Variants in ARHGAP17 observed in about 807,000 individuals in gnomAD.
ARHGAP17 encodes rho GTPase-activating protein 17.
A neutral mutation model predicts 99.5 loss-of-function variants in ARHGAP17; 57 were observed. That is an observed-to-expected ratio of 0.57 (90% confidence interval 0.46 to 0.71). ARHGAP17 has a LOEUF of 0.71. Ranked by LOEUF, ARHGAP17 falls within the 30% of genes least tolerant of loss-of-function variation. The pLI, the probability that ARHGAP17 is intolerant of heterozygous loss-of-function variation, is 0.00. For synonymous variants in ARHGAP17, 417 were observed against 429.6 expected, an observed-to-expected ratio of 0.97 and a Z score of 0.36; for missense variants, 1,000 against 1,122.4, an observed-to-expected ratio of 0.89 and a Z score of 1.56.
chr16:24,959,441 A>C (rs2051915980), intron 9 of ARHGAP17, among the ~76,000 whole-genome samples: 3 of 152,232 alleles, frequency 2.0e-5, no homozygotes, highest in Admixed American at 2.0e-4. Context: ...CTTTCTCTTC[A>C]ACTGAAGGTT....
intron 1 of ARHGAP17, among the ~76,000 whole-genome samples, chr16:24,996,934 T>C (rs932544390): frequency 2.0e-5 from 3 of 152,142 alleles, no homozygotes; most frequent in Non-Finnish European, 4.4e-5. Context: ...AAATGGTTTT[T>C]GTTCTGTCTA....
rs116433668 is a variant in ARHGAP17, at chr16:24,941,447, C to T, written c.1490+540G>A. ...GAGTATATAGAGACACACTGCTTCT[C>T]ACTAAGTTCAACACTGCCATTTTTT... On this transcript the variant is annotated intron_variant, in intron 16 of 19. Coordinates refer to ENST00000289968, the MANE Select transcript of ARHGAP17 (RefSeq NM_001006634.3). Among the ~76,000 whole-genome samples, 669 of 152,306 alleles carry T rather than the reference C, an allele frequency of 4.4e-3. 3 individuals are homozygous for T. Among genetic ancestry groups the T allele is most frequent in the African/African-American group, 0.015 (617 of 41,554 alleles).
At chr16:24,967,809 A>G (rs1372308791) in intron 6 of ARHGAP17, among the ~76,000 whole-genome samples, 1 of 151,690 alleles carries the variant, frequency 6.6e-6, no homozygotes, top group Admixed American at 6.6e-5. Context: ...AAAAGGAAAG[A>G]AAAAAAAGCC....
chr16:24,953,083 G>C, intron 10 of ARHGAP17, 41 bp from the exon 11 acceptor site: 1 of 1,587,128 alleles, frequency 6.3e-7, no homozygotes, highest in Non-Finnish European at 8.6e-7. Context: ...GTGCAGGTTG[G>C]GACACTCAGA....
intron 1 of ARHGAP17, among the ~76,000 whole-genome samples, chr16:24,980,816 C>T (rs1056819312): frequency 1.3e-5 from 2 of 152,088 alleles, no homozygotes; most frequent in African/African-American, 4.8e-5. Flanking sequence ...CTTCCCTAGC[C>T]AAAACCCCCA....
rs763988665 is a variant in ARHGAP17 at position 24,930,861 on chromosome 16, G to A, written c.2438C>T (p.Pro813Leu). Residue 813 changes from proline to leucine, a missense_variant, in exon 19 of 20, where the codon CCC becomes CTC. Pro to Leu is a moderately conservative substitution (Grantham distance 98). Around this residue, in one of 2 missense-constraint regions of ARHGAP17, gnomAD observed 528 missense variants for 511.4 expected, o/e 1.03. Coordinates refer to ENST00000289968, the MANE Select transcript of ARHGAP17 (RefSeq NM_001006634.3). ...PRNRPSVPPP[P>L]QPPGVHSAGD... ...AGCTGAGTGGACACCAGGAGGTTGG[G>A]GGGGTGGGGGCACGCTGGGCCGGTT... 1.2e-6 allele frequency: 2 copies of A among 1,614,062 alleles called. No individual in the cohort carries two copies. Among genetic ancestry groups the A allele is most frequent in the Non-Finnish European group, 1.7e-6 (2 of 1,179,986 alleles).
chr16:25,004,256 T>A (rs2053448068), intron 1 of ARHGAP17, among the ~76,000 whole-genome samples: 1 of 152,114 alleles, frequency 6.6e-6, no homozygotes, highest in South Asian at 2.1e-4. Context: ...AGACTCTGCC[T>A]CCATGAAAAA....
At chr16:24,986,083 C>G (rs1049014518) in intron 1 of ARHGAP17, among the ~76,000 whole-genome samples, 2 of 152,198 alleles carry the variant, frequency 1.3e-5, no homozygotes, top group Non-Finnish European at 2.9e-5. Context: ...CGTCAAACCT[C>G]CACATCACAA....
At chr16:24,952,766 T>C (rs2051681607) in intron 11 of ARHGAP17, among the ~76,000 whole-genome samples, 165 bp downstream of exon 11, 1 of 152,208 alleles carries the variant, frequency 6.6e-6, no homozygotes, top group Admixed American at 6.5e-5. Flanking sequence ...GAAGACACAG[T>C]GTACATTACA....
At chr16:24,980,767 T>C (rs541266241) in intron 1 of ARHGAP17, among the ~76,000 whole-genome samples, 1 of 152,122 alleles carries the variant, frequency 6.6e-6, no homozygotes, top group Non-Finnish European at 1.5e-5. Context: ...ATCCCTCCTT[T>C]AGCAAAATGC....
chr16:24,983,847 C>T (rs1039426131), intron 1 of ARHGAP17, among the ~76,000 whole-genome samples: 1 of 152,138 alleles, frequency 6.6e-6, no homozygotes, highest in African/African-American at 2.4e-5. Context: ...AAGGCTGATA[C>T]CAGGCAGGAT....
At position 24,932,604 on chromosome 16, in the gene ARHGAP17, C is replaced by T. The variant is rs368847812; in HGVS notation, c.1895-1200G>A. On this transcript the variant is annotated intron_variant, in intron 18 of 19. Transcript: ENST00000289968. ...TTAATAACAGAATTTCTACCAATTCCGCAACCATTTGAGTTAATAGATATG... is the reference window on the plus strand; with the variant it reads ...TTAATAACAGAATTTCTACCAATTCTGCAACCATTTGAGTTAATAGATATG... Among the ~76,000 whole-genome samples the T allele has an allele frequency of 2.0e-4, 31 of 152,102 alleles. No individual in the cohort carries two copies. The East Asian group carries it at 4.3e-3, about 21-fold the overall frequency.
intron 6 of ARHGAP17, among the ~76,000 whole-genome samples, chr16:24,964,709 G>A (rs1277122881): frequency 6.6e-6 from 1 of 152,162 alleles, no homozygotes; most frequent in Non-Finnish European, 1.5e-5. Flanking sequence ...CTGTGCCACT[G>A]GGAATCAGCT....
chr16:24,958,730 G>A (rs1264057398), intron 9 of ARHGAP17, among the ~76,000 whole-genome samples: 1 of 152,168 alleles, frequency 6.6e-6, no homozygotes, highest in African/African-American at 2.4e-5. Flanking sequence ...GTGCTGGTAT[G>A]TATGCACATC....
intron 1 of ARHGAP17, among the ~76,000 whole-genome samples, chr16:25,007,325 C>A (rs1202846253): frequency 1.3e-5 from 2 of 152,076 alleles, no homozygotes; most frequent in African/African-American, 4.8e-5. Flanking sequence ...AGCAAATGCA[C>A]CCATCCATAT....
intron 16 of ARHGAP17, chr16:24,941,677 C>T (rs1027431448): frequency 6.5e-6 from 2 of 305,900 alleles, no homozygotes; most frequent in Non-Finnish European, 1.2e-5. Flanking sequence ...CTGTTTCCCC[C>T]CACTCACGTA....
intron 1 of ARHGAP17, among the ~76,000 whole-genome samples, chr16:24,992,526 G>A (rs543549478): frequency 1.3e-5 from 2 of 151,878 alleles, no homozygotes; most frequent in Non-Finnish European, 2.9e-5. Context: ...AGTAGAGATG[G>A]GGTTTCACCA....
chr16:24,990,536 T>C (rs1458331271), intron 1 of ARHGAP17, among the ~76,000 whole-genome samples: 1 of 151,580 alleles, frequency 6.6e-6, no homozygotes, highest in Non-Finnish European at 1.5e-5. Flanking sequence ...TGAGCACTTG[T>C]AGTCCAGCTA....
intron 13 of ARHGAP17, chr16:24,948,888 A>G (rs1279495061): frequency 3.3e-5 from 5 of 152,074 alleles, no homozygotes; most frequent in Admixed American, 3.3e-4. Flanking sequence ...ATATTAAGTC[A>G]AAAGGAAAAC....
Sources: gnomAD v4.1 joint callset for allele counts (sites outside exome capture counted in the v4.1 genomes callset) on GRCh38, gnomAD v4.1.1 for gene constraint, gnomAD v4.1.1 regional missense constraint, MANE v1.5 for transcripts, NCBI Gene and HGNC (gene_info 2026-07-23, HGNC 2026-07-21) for gene names.